The following TECPR1 variants were observed in gnomAD, a reference collection of about 807,000 sequenced individuals.
TECPR1 encodes tectonin beta-propeller repeat-containing protein 1.
Under a neutral mutation model 162.4 loss-of-function variants are expected in TECPR1, and 122 were observed. The ratio of observed to expected loss-of-function variants is 0.75; its 90% CI spans 0.65 to 0.87. The LOEUF (loss-of-function observed/expected upper bound fraction) is 0.87, where lower values mean the gene tolerates loss of function less well. Among genes scored for constraint, TECPR1 ranks in the 40% least tolerant of loss-of-function variants. The probability of loss-of-function intolerance (pLI) is 0.00; values close to 1 mark genes in which losing one functional copy is unlikely to be tolerated. For missense variants in TECPR1, 1,432 were observed against 1,618.2 expected, an observed-to-expected ratio of 0.88 and a Z score of 1.97; for synonymous variants, 642 against 670.6, an observed-to-expected ratio of 0.96 and a Z score of 0.66.
In TECPR1 at chr7:98,236,791, G is replaced by C; in HGVS notation, c.1166C>G (p.Ser389Trp). ...CCCCAGTCACCTGAGGAGACTAGAC[G>C]AGCTGCCAGAGTGTGACCGGTCACA... is the stretch of plus-strand genomic sequence containing the variant. Reference protein sequence around the residue: ...RECDRSHSGSSSSLLSAGCFF... With the variant: ...RECDRSHSGSWSSLLSAGCFF... Residue 389 changes from serine (S) to tryptophan (W), a missense_variant, in exon 10 of 26, where the codon TCG becomes TGG. Transcript: ENST00000447648. The C allele has an allele frequency of 1.3e-6, 2 of 1,592,436 alleles. No individual in the cohort carries two copies. The highest frequency in any genetic ancestry group is 1.7e-6 in the Non-Finnish European group (2 of 1,173,514).
chr7:98,244,690 A>G lies in TECPR1; in HGVS notation c.412T>C (p.Trp138Arg). The G allele has an allele frequency of 6.2e-7, 1 of 1,607,748 alleles. No homozygotes were observed. The highest frequency in any genetic ancestry group is 8.5e-7 in the Non-Finnish European group (1 of 1,176,298). The stretch of plus-strand genomic sequence containing the variant: ...GCGGGAAAGTCGATGGCGTACGTCC[A>G]CCCCTGAAACACCAAGGAAGGGGCT... The part of the protein sequence containing the change: ...FGGEPTEKGG[W>R]TYAIDFPATY... The change falls in exon 5 of 26, where the codon TGG becomes CGG. Residue 138 changes from tryptophan to arginine, a missense_variant. By Grantham distance (101) the Trp-to-Arg change is moderately radical (BLOSUM62 -3). Coordinates refer to ENST00000447648, the MANE Select transcript of TECPR1 (RefSeq NM_015395.3).
chr7:98,247,322 G>C (rs568856775), intron 2 of TECPR1, among the ~76,000 whole-genome samples: 1 of 150,826 alleles, frequency 6.6e-6, no homozygotes, highest in Non-Finnish European at 1.5e-5. Flanking sequence ...TTTTTTTTTT[G>C]TAGAGACAGA....
intron 21 of TECPR1, 73 bp from the exon 22 acceptor site, chr7:98,222,594 G>A: frequency 1.3e-6 from 2 of 1,518,998 alleles, no homozygotes; most frequent in Non-Finnish European, 1.8e-6. Flanking sequence ...AGGACCAGCA[G>A]AAATGGGCCT....
In TECPR1 at chr7:98,215,511, G is replaced by A. The variant is rs1414626047; in HGVS notation, c.*1879C>T. 6.6e-6 allele frequency: 1 copy of A among 152,252 alleles called. No homozygotes were observed. Among genetic ancestry groups the A allele is most frequent in the Non-Finnish European group, 1.5e-5 (1 of 68,050 alleles). The allele number at this position is 152,252 out of a possible 1,614,324, so 9.4% of individuals were successfully genotyped here. ...TATCGATAAAAAACACCAGGGCACG[G>A]ACACTCCAGGGGAAATGCTTATTGA... On this transcript the variant is annotated 3_prime_UTR_variant, in exon 26 of 26. Transcript: ENST00000447648.
chr7:98,223,176 C>T lies in TECPR1; in HGVS notation c.2748-6G>A. 1 of 1,591,292 alleles carries T rather than the reference C, an allele frequency of 6.3e-7. No homozygotes were observed. Among genetic ancestry groups the T allele is most frequent in the Non-Finnish European group, 8.6e-7 (1 of 1,169,408 alleles). ...TGGTCACCAGCTTGCATTTTCTGTACAGTGGAGAGGGGACACAGCCCAGGG... is the reference window on the plus strand; with the variant it reads ...TGGTCACCAGCTTGCATTTTCTGTATAGTGGAGAGGGGACACAGCCCAGGG... On this transcript the variant is annotated splice_polypyrimidine_tract_variant and splice_region_variant and intron_variant, in intron 20 of 25. Transcript: ENST00000447648.
chr7:98,223,187 G>A lies in TECPR1; in HGVS notation c.2748-17C>T, dbSNP rs1479030236. The stretch of plus-strand genomic sequence containing the variant: ...TTGCATTTTCTGTACAGTGGAGAGG[G>A]GACACAGCCCAGGGACCCCAAGGTG... On this transcript the variant is annotated splice_polypyrimidine_tract_variant and intron_variant, in intron 20 of 25. Coordinates refer to ENST00000447648, the MANE Select transcript of TECPR1 (RefSeq NM_015395.3). 6.3e-7 allele frequency: 1 copy of A among 1,579,338 alleles called. No homozygotes were observed. Among genetic ancestry groups the A allele is most frequent in the Non-Finnish European group, 8.6e-7 (1 of 1,162,434 alleles).
intron 2 of TECPR1, among the ~76,000 whole-genome samples, chr7:98,247,322 G>T (rs568856775): frequency 1.1e-4 from 16 of 150,944 alleles, no homozygotes; most frequent in African/African-American, 3.6e-4. Flanking sequence ...TTTTTTTTTT[G>T]TAGAGACAGA....
rs1177967323 is a variant in TECPR1 at position 98,231,907 on chromosome 7, T to C, written c.1871A>G (p.His624Arg). ...GGCCAAGCGCACGTCCACCCACTTG[T>C]GGGGCTTCCAGTCGCACCACCACTG... ...ALQWWCDWKP[H>R]KWVDVRLALE... Residue 624 changes from histidine (H) to arginine (R), a missense_variant, in exon 13 of 26, where the codon CAC (histidine) becomes CGC (arginine). By Grantham distance (29) the His-to-Arg change is conservative. Coordinates refer to ENST00000447648, the MANE Select transcript of TECPR1 (RefSeq NM_015395.3). 6.2e-7 allele frequency: 1 copy of C among 1,611,088 alleles called. No homozygotes were observed. Among genetic ancestry groups the C allele is most frequent in the East Asian group, 2.2e-5 (1 of 44,832 alleles).
At chr7:98,230,848 T>A in intron 15 of TECPR1, 113 bp downstream of exon 15, 4 of 1,381,268 alleles carry the variant, frequency 2.9e-6, no homozygotes, top group Non-Finnish European at 3.9e-6. Flanking sequence ...CTCTGCCTGG[T>A]CAGCGAGAAG....
rs1798900255 is a variant in TECPR1, at chr7:98,246,067, A to G, written c.80T>C (p.Met27Thr). Residue 27 changes from methionine to threonine, a missense_variant, in exon 3 of 26, where the codon ATG becomes ACG. Transcript: ENST00000447648. ...GAACTCCAGCTGGGAGTCCTTGCAC[A>G]TTTCCCAGTACTGGCCTGCTGTGGA... ...TLSTAGQYWE[M>T]CKDSQLEFKR... The G allele has an allele frequency of 6.4e-7, 1 of 1,570,192 alleles. No homozygotes were observed. Among genetic ancestry groups the G allele is most frequent in the Non-Finnish European group, 8.6e-7 (1 of 1,158,414 alleles).
intron 5 of TECPR1, among the ~76,000 whole-genome samples, 153 bp downstream of exon 5, chr7:98,244,418 G>T (rs1281403703): frequency 6.6e-6 from 1 of 152,212 alleles, no homozygotes; most frequent in African/African-American, 2.4e-5. Flanking sequence ...CAGTGTCGTG[G>T]TGTTCCCGGG....
At chr7:98,226,060 G>A (rs1157087721) in intron 17 of TECPR1, among the ~76,000 whole-genome samples, 6 of 152,202 alleles carry the variant, frequency 3.9e-5, no homozygotes, top group Non-Finnish European at 7.3e-5. Context: ...CGCAGCTGGG[G>A]CACGCATTTG....
chr7:98,235,295 G>A (rs1186360807), intron 10 of TECPR1, among the ~76,000 whole-genome samples: 1 of 152,160 alleles, frequency 6.6e-6, no homozygotes, highest in African/African-American at 2.4e-5. Flanking sequence ...GGAGGCCAAG[G>A]CGGGAGGATC....
At chr7:98,224,732 G>A (rs1283841577) in intron 19 of TECPR1, 69 bp downstream of exon 19, 6 of 1,425,394 alleles carry the variant, frequency 4.2e-6, no homozygotes, top group Admixed American at 2.1e-5. Context: ...AGTGAGGCCA[G>A]AGGCCACACA....
rs1254510641 is a variant in TECPR1, at chr7:98,241,373, C to T, written c.658-129G>A. On this transcript the variant is annotated intron_variant, in intron 6 of 25. Transcript: ENST00000447648. The surrounding 1 kb of genome is among the most constrained non-coding windows in gnomAD (Gnocchi z 5.0). ...TCCAGATCTCACTCCCTGCCCCCTA[C>T]CCCGGCCAAAAAACGCAAACCCTGG... 70 of 1,186,538 alleles carry T rather than the reference C, an allele frequency of 5.9e-5. No individual in the cohort carries two copies. Among genetic ancestry groups the T allele is most frequent in the Non-Finnish European group, 7.7e-5 (65 of 846,378 alleles). 73.5% of individuals were successfully genotyped at this position (1,186,538 alleles called of 1,614,324 possible).
Position 98,232,785 on chromosome 7 carries a change from GAA to G in TECPR1, c.1818+40_1818+41del, listed in dbSNP as rs139511001. 2,032 of 1,309,300 alleles carry G rather than the reference GAA, an allele frequency of 1.6e-3. No homozygotes were observed. Among genetic ancestry groups the G allele is most frequent in the Admixed American group, 4.4e-3 (167 of 37,652 alleles). The allele number at this position is 1,309,300 out of a possible 1,614,324, so 81.1% of individuals were successfully genotyped here. A position where few individuals can be genotyped will look rare whatever the true frequency, so the allele number is the denominator to read the frequency against. ...GCAGGCGCTCAATGAATGATTGCTG[GAA>G]AAAAAAAAAAAATGCATGCGCAGCC... On this transcript the variant is annotated intron_variant, in intron 12 of 25. Coordinates refer to ENST00000447648, the MANE Select transcript of TECPR1 (RefSeq NM_015395.3). The surrounding 1 kb of genome is among the most constrained non-coding windows in gnomAD (Gnocchi z 4.6).
At chr7:98,227,970 G>T (rs969060645) in intron 17 of TECPR1, 44 bp downstream of exon 17, 4 of 1,527,918 alleles carry the variant, frequency 2.6e-6, no homozygotes, top group Non-Finnish European at 2.7e-6. Flanking sequence ...CAGGACTAAG[G>T]CCTATGCCAG....
In TECPR1 at chr7:98,243,587, G is replaced by C. The variant is rs1157093637; in HGVS notation, c.537C>G (p.Pro179=). The change falls in exon 6 of 26, where the codon CCC becomes CCG. Residue 179 remains proline (P), a synonymous_variant. Transcript: ENST00000447648. The part of the protein sequence containing the change: ...YKSRDIWAKI[P]SKDDPKELPD... ...GCAGCTCCTTGGGGTCATCCTTCGA[G>C]GGGATCTGAAGGAAGGAAGTGAGAA... The C allele has an allele frequency of 1.2e-6, 2 of 1,612,040 alleles. No individual in the cohort carries two copies. The highest frequency in any genetic ancestry group is 2.7e-5 in the African/African-American group (2 of 74,912).
chr7:98,243,332 G>C (rs1562944185), intron 6 of TECPR1, 135 bp downstream of exon 6: 1 of 1,248,016 alleles, frequency 8.0e-7, no homozygotes, highest in South Asian at 1.5e-5. Context: ...GCTCGGAGGA[G>C]AGAAAGGCCA....
Sources: gnomAD v4.1 joint callset for allele counts (sites outside exome capture counted in the v4.1 genomes callset) on GRCh38, gnomAD v4.1.1 for gene constraint, Gnocchi (gnomAD v3.1) non-coding constraint, MANE v1.5 for transcripts, NCBI Gene and HGNC (gene_info 2026-07-23, HGNC 2026-07-21) for gene names.